The following AAAS variants were observed in gnomAD, a reference collection of about 807,000 sequenced individuals.
AAAS encodes aladin.
Under a neutral mutation model 75.6 loss-of-function variants are expected in AAAS, and 60 were observed. That is an observed-to-expected ratio of 0.79 (90% CI 0.64 to 0.98). The LOEUF (loss-of-function observed/expected upper bound fraction) is 0.98, where lower values mean the gene tolerates loss of function less well. AAAS is among the 50% of genes least tolerant of loss of function. The probability of loss-of-function intolerance (pLI) is 0.00; values close to 1 mark genes in which losing one functional copy is unlikely to be tolerated. For synonymous variants in AAAS, 271 were observed against 265.0 expected, an observed-to-expected ratio of 1.02 and a Z score of -0.22; for missense variants, 658 against 686.9, an observed-to-expected ratio of 0.96 and a Z score of 0.47.
rs941213101 is a variant in AAAS at position 53,308,064 on chromosome 12, T to TCAAACA, written c.1313_1318dup (p.Val438_Phe439dup). 6.2e-7 allele frequency: 1 copy of TCAAACA among 1,614,060 alleles called. No homozygotes were observed. Among genetic ancestry groups the TCAAACA allele is most frequent in the Non-Finnish European group, 8.5e-7 (1 of 1,180,026 alleles). ...ACATGGCACTTACCAGGGAAGGAGC[T>TCAAACA]CAAACACAGGGCTGTTTCGAGTGCG... On this transcript the variant is annotated inframe_insertion, in exon 14 of 16. Transcript: ENST00000209873.
chr12:53,314,714 T>C, intron 6 of AAAS, 37 bp downstream of exon 6: 2 of 1,594,166 alleles, frequency 1.3e-6, no homozygotes, highest in Non-Finnish European at 1.7e-6. Flanking sequence ...AAGGTGATAT[T>C]GACAAGTCAG....
chr12:53,308,340 T>G lies in AAAS; in HGVS notation c.1191A>C (p.Gly397=). 6.2e-7 allele frequency: 1 copy of G among 1,614,064 alleles called. No homozygotes were observed. Among genetic ancestry groups the G allele is most frequent in the Admixed American group, 1.7e-5 (1 of 60,000 alleles). ...QTPDGEERLG[G]EAHSMVWDPS... is the part of the protein sequence containing the mutation. ...GGTCCCAGACCATGGAGTGAGCCTCTCCCCCAAGCCTGTGGGTAAGGACAG... is the reference window on the plus strand; with the variant it reads ...GGTCCCAGACCATGGAGTGAGCCTCGCCCCCAAGCCTGTGGGTAAGGACAG... Residue 397 remains glycine, a synonymous_variant, in exon 13 of 16, where the codon GGA becomes GGC. Transcript: ENST00000209873.
rs941417650 is a variant in AAAS, at chr12:53,315,710, G to A, written c.307+17C>T. The A allele has an allele frequency of 1.2e-6, 2 of 1,613,074 alleles. No individual in the cohort carries two copies. The highest frequency in any genetic ancestry group is 2.2e-5 in the East Asian group (1 of 44,884). The stretch of plus-strand genomic sequence containing the variant: ...ATAACCACAAAACTAGGGAAGGCTG[G>A]AGGGAAAAATACTTACCCTCTTCTT... On this transcript the variant is annotated intron_variant, in intron 3 of 15. Transcript: ENST00000209873.
Position 53,321,523 on chromosome 12 carries a change from C to T in AAAS, c.-58G>A. ...AACTCCTGGCCGGAACGGCACAGAC[C>T]GCACTCCCGCAACTCGGTTCCCGGG... On this transcript the variant is annotated 5_prime_UTR_variant, in exon 1 of 16. Transcript: ENST00000209873. The T allele has an allele frequency of 6.2e-7, 1 of 1,610,906 alleles. No individual in the cohort carries two copies. The highest frequency in any genetic ancestry group is 2.2e-5 in the East Asian group (1 of 44,880).
intron 10 of AAAS, 60 bp downstream of exon 10, chr12:53,308,900 A>C: frequency 1.2e-6 from 2 of 1,613,572 alleles, no homozygotes; most frequent in African/African-American, 1.3e-5. Context: ...GTTTGGGAGC[A>C]TCAGGGGCCC....
At chr12:53,320,922 T>C (rs1944544025) in intron 1 of AAAS, 2 of 587,314 alleles carry the variant, frequency 3.4e-6, no homozygotes, top group Non-Finnish European at 5.9e-6. Context: ...CATATGACAT[T>C]TTTAGAAAAC....
At chr12:53,308,229 T>C (rs976605952) in intron 13 of AAAS, 53 bp downstream of exon 13, 3 of 1,612,708 alleles carry the variant, frequency 1.9e-6, no homozygotes, top group African/African-American at 1.3e-5. Flanking sequence ...ACGGCCTCAT[T>C]AGATTAACTG....
Position 53,320,678 on chromosome 12 carries a change from AG to A in AAAS, c.137del (p.Pro46LeufsTer5). 1 of 1,614,150 alleles carries A rather than the reference AG, an allele frequency of 6.2e-7. No homozygotes were observed. The highest frequency in any genetic ancestry group is 8.5e-7 in the Non-Finnish European group (1 of 1,179,980). ...GGGGATCCTTTGTCAGTTGTAGGAC[AG>A]GAAGATTGATCCACTATAGCACAAA... Reference protein sequence around the residue: ...PDFRGQWINLPVLQLTKDPLK... With the variant: ...PDFRGQWINLXVLQLTKDPLK... On this transcript the variant is annotated frameshift_variant, in exon 2 of 16. Coordinates refer to ENST00000209873, the MANE Select transcript of AAAS (RefSeq NM_015665.6). LOFTEE classifies it high-confidence loss of function.
At chr12:53,313,941 T>G (rs968753903) in intron 7 of AAAS, among the ~76,000 whole-genome samples, 1 of 152,200 alleles carries the variant, frequency 6.6e-6, no homozygotes, top group African/African-American at 2.4e-5. Context: ...TTTCTGGTTT[T>G]ATTTTTAGTT....
rs780837934 is a variant in AAAS at position 53,321,435 on chromosome 12, G to A, written c.31C>T (p.Pro11Ser). 6.2e-7 allele frequency: 1 copy of A among 1,614,230 alleles called. No homozygotes were observed. Among genetic ancestry groups the A allele is most frequent in the Admixed American group, 1.7e-5 (1 of 60,032 alleles). ...TATAGGGTGACTTGACCCCGAGGCG[G>A]TGGAGGAGGGAACAACCCCAGAGAG... is the stretch of plus-strand genomic sequence containing the variant. MCSLGLFPPP[P>S]PRGQVTLYEH... The change falls in exon 1 of 16, where the codon CCG becomes TCG. Residue 11 changes from proline to serine, a missense_variant. Pro to Ser is a moderately conservative substitution (Grantham distance 74, BLOSUM62 -1). Transcript: ENST00000209873.
intron 2 of AAAS, 152 bp downstream of exon 2, chr12:53,320,413 G>A (rs1046266980): frequency 1.9e-6 from 2 of 1,071,470 alleles, no homozygotes; most frequent in Non-Finnish European, 2.8e-6. Flanking sequence ...TCTATAATAA[G>A]GACTAAAAAT....
At chr12:53,309,483 TA>T in intron 8 of AAAS, 117 bp downstream of exon 8, 1 of 1,571,088 alleles carries the variant, frequency 6.4e-7, no homozygotes. Flanking sequence ...CCTCTCTGGG[TA>T]AGTTTAAGAC....
Position 53,321,108 on chromosome 12 carries a change from C to T in AAAS, c.123+235G>A, listed in dbSNP as rs942479341. 1.6e-5 allele frequency: 10 copies of T among 618,868 alleles called. No homozygotes were observed. In the Admixed American group the frequency reaches 3.0e-4, roughly 19 times the overall value. The allele number at this position is 618,868 out of a possible 1,614,324, so 38.3% of individuals were successfully genotyped here. A position where few individuals can be genotyped will look rare whatever the true frequency, so the allele number is the denominator to read the frequency against. ...CGCATCCTCACACTCCCTAGATTCT[C>T]CCTCATTCTCTCCATTCCCTCTAGG... On this transcript the variant is annotated intron_variant, in intron 1 of 15. Coordinates refer to ENST00000209873, the MANE Select transcript of AAAS (RefSeq NM_015665.6).
chr12:53,312,575 AAAG>A (rs1424004975), intron 7 of AAAS, among the ~76,000 whole-genome samples: 1 of 151,336 alleles, frequency 6.6e-6, no homozygotes, highest in African/African-American at 2.4e-5. Flanking sequence ...CAAAAAAAAA[AAAG>A]AAATCAAACA....
Position 53,308,034 on chromosome 12 carries a change from G to A in AAAS, c.1331+18C>T. ...GGCTGGTGAGAAGTCCAGACCTAAG[G>A]GCCCACATGGCACTTACCAGGGAAG... On this transcript the variant is annotated intron_variant, in intron 14 of 15. Transcript: ENST00000209873. 6.2e-7 allele frequency: 1 copy of A among 1,613,892 alleles called. No homozygotes were observed. The highest frequency in any genetic ancestry group is 8.5e-7 in the Non-Finnish European group (1 of 1,179,758).
rs762604025 is a variant in AAAS, at chr12:53,307,647, TA to T, written c.1482del (p.Phe494LeufsTer57). 2 of 1,614,148 alleles carry T rather than the reference TA, an allele frequency of 1.2e-6. No homozygotes were observed. Among genetic ancestry groups the T allele is most frequent in the Non-Finnish European group, 1.7e-6 (2 of 1,180,034 alleles). On this transcript the variant is annotated frameshift_variant, in exon 16 of 16. Coordinates refer to ENST00000209873, the MANE Select transcript of AAAS (RefSeq NM_015665.6). LOFTEE classifies it high-confidence loss of function. ...TCCTGGGCCCGCCCAAGCACTGGGC[TA>T]AAACGTGGAAACTGGGCATTGACAA... The part of the protein sequence containing the change: ...LYFVNAQFPR[F>X]SPVLGRAQEP...
rs182234692 is a variant in AAAS at position 53,321,438 on chromosome 12, G to A, written c.28C>T (p.Pro10Ser). 6.2e-7 allele frequency: 1 copy of A among 1,614,232 alleles called. No individual in the cohort carries two copies. Among genetic ancestry groups the A allele is most frequent in the East Asian group, 2.2e-5 (1 of 44,886 alleles). Residue 10 changes from proline to serine, a missense_variant, in exon 1 of 16, where the codon CCA (proline) becomes TCA (serine). Coordinates refer to ENST00000209873, the MANE Select transcript of AAAS (RefSeq NM_015665.6). The part of the protein sequence containing the change: MCSLGLFPP[P>S]PPRGQVTLYE... The stretch of plus-strand genomic sequence containing the variant: ...AGGGTGACTTGACCCCGAGGCGGTG[G>A]AGGAGGGAACAACCCCAGAGAGCAC...
chr12:53,309,055 C>G, intron 9 of AAAS, 35 bp from the exon 10 acceptor site: 2 of 1,614,214 alleles, frequency 1.2e-6, no homozygotes, highest in Non-Finnish European at 1.7e-6. Context: ...AGCTCAGGAC[C>G]TCTAAGTTCT....
intron 6 of AAAS, 62 bp downstream of exon 6, chr12:53,314,689 C>T (rs927642969): frequency 7.8e-6 from 12 of 1,544,964 alleles, no homozygotes; most frequent in South Asian, 5.8e-5. Flanking sequence ...TCCCCGGAAC[C>T]AAGGCTGGCA....
Sources: gnomAD v4.1 joint callset for allele counts (sites outside exome capture counted in the v4.1 genomes callset) on GRCh38, gnomAD v4.1.1 for gene constraint, MANE v1.5 for transcripts, NCBI Gene and HGNC (gene_info 2026-07-23, HGNC 2026-07-21) for gene names.